The following NFILZ variants were observed in gnomAD, a reference collection of about 807,000 sequenced individuals.
NFILZ encodes the protein NFIL3 like basic leucine zipper.
intron 3 of NFILZ, among the ~76,000 whole-genome samples, chr19:8,673,528 G>A (rs1326266326): frequency 6.6e-6 from 1 of 152,188 alleles, no homozygotes; most frequent in Non-Finnish European, 1.5e-5. Flanking sequence ...GTGGGGAGGT[G>A]GTCCAGATGT....
intron 1 of NFILZ, among the ~76,000 whole-genome samples, chr19:8,631,478 G>T (rs1005516756): frequency 1.3e-5 from 2 of 152,096 alleles, no homozygotes; most frequent in Non-Finnish European, 2.9e-5. Flanking sequence ...ATCTCTGGGG[G>T]GTCTGGAGGC....
chr19:8,656,327 C>CT (rs2042995779), intron 3 of NFILZ, among the ~76,000 whole-genome samples: 1 of 84,660 alleles, frequency 1.2e-5, no homozygotes, highest in African/African-American at 3.4e-5. Context: ...CTCCCTGAAG[C>CT]CCCCTTCTTC....
At chr19:8,646,572 TC>T (rs2042940033) in intron 3 of NFILZ, among the ~76,000 whole-genome samples, 1 of 152,134 alleles carries the variant, frequency 6.6e-6, no homozygotes, top group Admixed American at 6.6e-5. Flanking sequence ...GAGCCACTCT[TC>T]CTTTGCCTAG....
At chr19:8,644,510 C>G (rs2042930934) in intron 3 of NFILZ, among the ~76,000 whole-genome samples, 1 of 151,694 alleles carries the variant, frequency 6.6e-6, no homozygotes, top group African/African-American at 2.4e-5. Flanking sequence ...GTTGCCCAGG[C>G]TGATTGCAGT....
rs797027872 is a variant in NFILZ at position 8,661,104 on chromosome 19, T to TTCCTTCCTTCC, written c.-163-13445_-163-13435dup. On this transcript the variant is annotated intron_variant, in intron 3 of 5. Coordinates refer to ENST00000691075, the MANE Select transcript of NFILZ (RefSeq NM_001378600.1). ...TCCTTCCCCCTCCCTCCCTTCCTCC[T>TTCCTTCCTTCC]TCCTTCCTTCCTTCCTTCCCTCCCT... Among the ~76,000 whole-genome samples the TTCCTTCCTTCC allele has an allele frequency of 9.4e-3, 284 of 30,214 alleles. 3 individuals carry two copies. The highest frequency in any genetic ancestry group is 0.034 in the African/African-American group (266 of 7,754). The allele number at this position is 30,214 out of a possible 152,430, so 19.8% of individuals were successfully genotyped here.
rs2043123407 is a variant in NFILZ at position 8,678,095 on chromosome 19, A to ACTTG, written c.*460_*461insCTTG. Reference sequence around the variant, plus strand: ...ATCCATCAATCCATCCATCCATTCCATCCATCCATCCATCCATCCATCCAT... The same window carrying ACTTG: ...ATCCATCAATCCATCCATCCATTCCACTTGTCCATCCATCCATCCATCCATCCAT... On this transcript the variant is annotated 3_prime_UTR_variant, in exon 6 of 6. Coordinates refer to ENST00000691075, the MANE Select transcript of NFILZ (RefSeq NM_001378600.1). 8.0e-6 allele frequency among the ~76,000 whole-genome samples: 1 copy of ACTTG among 124,886 alleles called. No homozygotes were observed. The highest frequency in any genetic ancestry group is 1.7e-5 in the Non-Finnish European group (1 of 59,684). The allele number at this position is 124,886 out of a possible 152,430, so 81.9% of individuals were successfully genotyped here. A position where few individuals can be genotyped will look rare whatever the true frequency, so the allele number is the denominator to read the frequency against.
At chr19:8,635,324 T>TA (rs201180999) in intron 2 of NFILZ, among the ~76,000 whole-genome samples, 9 of 136,746 alleles carry the variant, frequency 6.6e-5, no homozygotes, top group South Asian at 4.5e-4. Context: ...AAAAAAAAAT[T>TA]AAAAAAAAAA....
chr19:8,671,946 G>A (rs1429720394), intron 3 of NFILZ, among the ~76,000 whole-genome samples: 1 of 152,180 alleles, frequency 6.6e-6, no homozygotes, highest in Non-Finnish European at 1.5e-5. Context: ...GGCAGTGGAA[G>A]ACCCAGGCCC....
chr19:8,652,986 TCC>T (rs2042972754), intron 3 of NFILZ, among the ~76,000 whole-genome samples: 425 of 19,344 alleles, frequency 0.022, 7 homozygotes, highest in East Asian at 0.076. Context: ...CTTCCTTCCT[TCC>T]TTCCTTCCTT....
At chr19:8,645,782 A>G (rs893923928) in intron 3 of NFILZ, among the ~76,000 whole-genome samples, 2 of 152,178 alleles carry the variant, frequency 1.3e-5, no homozygotes, top group African/African-American at 4.8e-5. Context: ...CCAGGCAGCC[A>G]GTGATGGCAG....
At chr19:8,657,227 C>T (rs782599779) in intron 3 of NFILZ, among the ~76,000 whole-genome samples, 1 of 151,208 alleles carries the variant, frequency 6.6e-6, no homozygotes, top group South Asian at 2.1e-4. Context: ...TCGGCTCAGC[C>T]TCCTGAGTAG....
intron 3 of NFILZ, among the ~76,000 whole-genome samples, chr19:8,656,778 G>T (rs2043005810): frequency 6.6e-6 from 1 of 152,208 alleles, no homozygotes; most frequent in Admixed American, 6.5e-5. Flanking sequence ...GTGTGTAGCA[G>T]GGAACTGAAG....
At chr19:8,637,988 G>A (rs149350215) in intron 3 of NFILZ, among the ~76,000 whole-genome samples, 1,853 of 147,470 alleles carry the variant, frequency 0.013, 17 homozygotes, top group Non-Finnish European at 0.018. Context: ...CCTTGCTCTT[G>A]TAGAACAGAG....
At chr19:8,635,174 G>A (rs1307878590) in intron 2 of NFILZ, among the ~76,000 whole-genome samples, 1 of 151,794 alleles carries the variant, frequency 6.6e-6, no homozygotes, top group Non-Finnish European at 1.5e-5. Context: ...GCCGGGCATG[G>A]TGGTGGGCAC....
At chr19:8,675,366 T>A (rs576725382) in intron 4 of NFILZ, among the ~76,000 whole-genome samples, 1 of 152,162 alleles carries the variant, frequency 6.6e-6, no homozygotes, top group African/African-American at 2.4e-5. Flanking sequence ...TGTGTTAGAG[T>A]CTTCATGAAA....
chr19:8,643,261 C>G (rs913450442), intron 3 of NFILZ, among the ~76,000 whole-genome samples: 2 of 152,198 alleles, frequency 1.3e-5, no homozygotes, highest in Non-Finnish European at 2.9e-5. Context: ...AGGATTTTGA[C>G]TCTAAAGATA....
At chr19:8,673,253 T>C (rs1483648698) in intron 3 of NFILZ, among the ~76,000 whole-genome samples, 1 of 152,172 alleles carries the variant, frequency 6.6e-6, no homozygotes, top group East Asian at 1.9e-4. Context: ...TTGCATGGTC[T>C]GTAAGTGGGG....
At position 8,678,048 on chromosome 19, in the gene NFILZ, C is replaced by T. The variant is rs1173211407; in HGVS notation, c.*413C>T. ...TCCATCTATCCATCCATCCATCCAT[C>T]CATCCACCCATCTATTCATCCATCC... On this transcript the variant is annotated 3_prime_UTR_variant, in exon 6 of 6. Transcript: ENST00000691075. Among the ~76,000 whole-genome samples the T allele has an allele frequency of 8.4e-5, 10 of 119,450 alleles. No individual in the cohort carries two copies. Among genetic ancestry groups the T allele is most frequent in the African/African-American group, 9.4e-5 (3 of 32,040 alleles). 78.4% of individuals were successfully genotyped at this position (119,450 alleles called of 152,430 possible).
chr19:8,634,437 C>T (rs118182966), intron 2 of NFILZ, among the ~76,000 whole-genome samples: 1,712 of 152,306 alleles, frequency 0.011, 17 homozygotes, highest in Non-Finnish European at 0.017. Flanking sequence ...CGGCGCATGC[C>T]GTGACACCCA....
Sources: allele counts gnomAD v4.1 joint callset (sites outside exome capture counted in the v4.1 genomes callset), GRCh38; gene constraint gnomAD v4.1.1; transcripts MANE v1.5; gene names NCBI Gene and HGNC (gene_info 2026-07-23, HGNC 2026-07-21).